Variants in SETX observed in about 807,000 individuals in gnomAD.
The protein encoded by SETX is senataxin.
SETX carries 90 observed loss-of-function variants against 227.2 expected under a neutral mutation model. The observed-to-expected ratio is 0.40, with a 90% CI of 0.33 to 0.47. SETX has a LOEUF of 0.47. Among genes scored for constraint, SETX ranks in the 20% least tolerant of loss-of-function variants. SETX has a pLI of 0.91. For synonymous variants in SETX, 1,210 were observed against 1,113.2 expected (o/e 1.09, Z -1.73); for missense variants, 3,052 against 3,181.5 (o/e 0.96, Z 0.98).
Position 132,329,445 on chromosome 9 carries a change from A to G in SETX, c.2153T>C (p.Ile718Thr), listed in dbSNP as rs144130916. 6.2e-7 allele frequency: 1 copy of G among 1,613,280 alleles called. No homozygotes were observed. The highest frequency in any genetic ancestry group is 1.1e-5 in the South Asian group (1 of 90,994). ...ACAGTCCTTTGGTGTATATGAAGAGATCTCTTTTACAGACTTCTGCTTCCT... is the reference window on the plus strand; with the variant it reads ...ACAGTCCTTTGGTGTATATGAAGAGGTCTCTTTTACAGACTTCTGCTTCCT... Reference protein sequence around the residue: ...STRKQKSVKEISSYTPKDCTS... With the variant: ...STRKQKSVKETSSYTPKDCTS... The change falls in exon 10 of 26, where the codon ATC (isoleucine) becomes ACC (threonine). Residue 718 changes from isoleucine to threonine, a missense_variant. By Grantham distance (89) the Ile-to-Thr change is moderately conservative. Transcript: ENST00000224140.
At chr9:132,323,028 A>G (rs1810563422) in intron 10 of SETX, among the ~76,000 whole-genome samples, 1 of 152,176 alleles carries the variant, frequency 6.6e-6, no homozygotes, top group Non-Finnish European at 1.5e-5. Flanking sequence ...AAAAAATTAA[A>G]GAAAATGAGA....
intron 18 of SETX, among the ~76,000 whole-genome samples, chr9:132,285,025 C>T (rs1021493394): frequency 7.2e-5 from 11 of 152,014 alleles, no homozygotes; most frequent in African/African-American, 2.2e-4. Flanking sequence ...ATTACAGGTG[C>T]CCACCACCAC....
intron 6 of SETX, among the ~76,000 whole-genome samples, chr9:132,335,442 TA>T (rs907317150): frequency 2.1e-5 from 3 of 145,394 alleles, no homozygotes; most frequent in Non-Finnish European, 4.5e-5. Flanking sequence ...ATAGGACTTG[TA>T]AACAATGCTG....
intron 11 of SETX, among the ~76,000 whole-genome samples, chr9:132,310,687 A>C (rs1423401475): frequency 6.6e-6 from 1 of 152,180 alleles, no homozygotes; most frequent in Non-Finnish European, 1.5e-5. Flanking sequence ...TTGCATCTCA[A>C]TGTACAGCTG....
At chr9:132,283,765 A>G (rs889631731) in intron 18 of SETX, among the ~76,000 whole-genome samples, 2 of 152,228 alleles carry the variant, frequency 1.3e-5, no homozygotes, top group African/African-American at 2.4e-5. Context: ...GTTGTGAATT[A>G]TATGAGTAAA....
rs533151881 is a variant in SETX, at chr9:132,317,203, T to C, written c.5275-5347A>G. On this transcript the variant is annotated intron_variant, in intron 10 of 25. Transcript: ENST00000224140. ...AACAGGTGTGCAGTTCCAGTTCCTGTGCTATCTTCTTCCATGTTTCCTAAC... is the reference window on the plus strand; with the variant it reads ...AACAGGTGTGCAGTTCCAGTTCCTGCGCTATCTTCTTCCATGTTTCCTAAC... 5.3e-5 allele frequency among the ~76,000 whole-genome samples: 8 copies of C among 152,348 alleles called. No individual in the cohort carries two copies. In the South Asian group the frequency reaches 1.7e-3, roughly 32 times the overall value.
At chr9:132,350,410 G>C (rs1848542385) in intron 2 of SETX, among the ~76,000 whole-genome samples, 1 of 152,108 alleles carries the variant, frequency 6.6e-6, no homozygotes, top group Non-Finnish European at 1.5e-5. Flanking sequence ...TGGAAACATG[G>C]CAGTGTGAGA....
chr9:132,351,822 C>G (rs1463777950), intron 2 of SETX, among the ~76,000 whole-genome samples: 1 of 152,182 alleles, frequency 6.6e-6, no homozygotes, highest in Non-Finnish European at 1.5e-5. Context: ...CAGACTGTAA[C>G]GGCTTGCAAT....
At chr9:132,324,298 T>C (rs1302623211) in intron 10 of SETX, among the ~76,000 whole-genome samples, 1 of 152,182 alleles carries the variant, frequency 6.6e-6, no homozygotes, top group African/African-American at 2.4e-5. Flanking sequence ...TGGCTAAAAT[T>C]TGAGGTACGA....
intron 15 of SETX, among the ~76,000 whole-genome samples, chr9:132,289,342 A>G (rs1339701800): frequency 1.3e-5 from 2 of 152,222 alleles, no homozygotes; most frequent in East Asian, 3.9e-4. Flanking sequence ...AAATTTACCT[A>G]AACCGCCATT....
intron 10 of SETX, among the ~76,000 whole-genome samples, chr9:132,319,144 T>G (rs554296462): frequency 6.6e-6 from 1 of 152,284 alleles, no homozygotes; most frequent in Admixed American, 6.5e-5. Flanking sequence ...CCCACATCAG[T>G]TCTATCACCA....
In SETX at chr9:132,327,023, T is replaced by G; in HGVS notation, c.4575A>C (p.Gly1525=). ...CTTCTTCAACCTCAACTGTATCTTT[T>G]CCATGAATTAGTTCAATGAGTTTAT... ...DNYKLIELIH[G]KDTVEVEEDS... is the part of the protein sequence containing the mutation. The change falls in exon 10 of 26, where the codon GGA becomes GGC. Residue 1525 remains glycine (G), a synonymous_variant. Transcript: ENST00000224140. The G allele has an allele frequency of 6.2e-7, 1 of 1,614,236 alleles. No homozygotes were observed. The highest frequency in any genetic ancestry group is 8.5e-7 in the Non-Finnish European group (1 of 1,180,042).
intron 11 of SETX, among the ~76,000 whole-genome samples, chr9:132,311,229 AGT>A (rs1845636170): frequency 6.6e-6 from 1 of 152,082 alleles, no homozygotes; most frequent in Non-Finnish European, 1.5e-5. Flanking sequence ...GGCCTCCCAA[AGT>A]GCTGGGATTA....
intron 5 of SETX, among the ~76,000 whole-genome samples, chr9:132,339,577 T>C (rs1241562435): frequency 6.6e-6 from 1 of 152,200 alleles, no homozygotes; most frequent in Non-Finnish European, 1.5e-5. Flanking sequence ...TTATGAATGA[T>C]AATAAGGTAG....
At chr9:132,266,339 G>C (rs1166903900) in intron 25 of SETX, 1 of 152,186 alleles carries the variant, frequency 6.6e-6, no homozygotes, top group Non-Finnish European at 1.5e-5. Context: ...GGAGCCTCTT[G>C]GCCATGTACC....
intron 3 of SETX, among the ~76,000 whole-genome samples, chr9:132,347,029 C>A (rs1349275225): frequency 2.0e-5 from 3 of 151,876 alleles, no homozygotes; most frequent in Non-Finnish European, 4.4e-5. Context: ...CTGAGGTGGG[C>A]GGATCACCTG....
intron 23 of SETX, among the ~76,000 whole-genome samples, chr9:132,272,239 T>G (rs1453548834): frequency 6.6e-6 from 1 of 152,062 alleles, no homozygotes; most frequent in Non-Finnish European, 1.5e-5. Context: ...TATTCATAGC[T>G]CACAGTAACT....
chr9:132,305,126 G>A (rs560934093), intron 11 of SETX, among the ~76,000 whole-genome samples: 48 of 152,020 alleles, frequency 3.2e-4, no homozygotes, highest in Admixed American at 2.9e-3. Flanking sequence ...AGGCCGAGGC[G>A]GGCGGATCAC....
At chr9:132,348,182 A>G (rs1848397317) in intron 3 of SETX, among the ~76,000 whole-genome samples, 1 of 151,812 alleles carries the variant, frequency 6.6e-6, no homozygotes, top group South Asian at 2.1e-4. Flanking sequence ...CAACATGGTA[A>G]AACCCCATCT....
Sources: gnomAD v4.1 joint callset for allele counts (sites outside exome capture counted in the v4.1 genomes callset) on GRCh38, gnomAD v4.1.1 for gene constraint, MANE v1.5 for transcripts, NCBI Gene and HGNC (gene_info 2026-07-23, HGNC 2026-07-21) for gene names.